Variants in VPS13B observed in about 807,000 individuals in gnomAD.
VPS13B encodes intermembrane lipid transfer protein VPS13B.
Under a neutral mutation model 426.4 loss-of-function variants are expected in VPS13B, and 285 were observed. That is an observed-to-expected ratio of 0.67 (90% CI 0.61 to 0.74). The LOEUF is 0.74. Among genes scored for constraint, VPS13B ranks in the 30% least tolerant of loss-of-function variants. VPS13B has a pLI of 0.00. For missense variants in VPS13B, 4,537 were observed against 4,782.6 expected (o/e 0.95, Z 1.51); for synonymous variants, 1,676 against 1,676.4 (o/e 1.00, Z 0.01).
At chr8:99,215,764 T>C (rs1466021575) in intron 17 of VPS13B, among the ~76,000 whole-genome samples, 1 of 152,172 alleles carries the variant, frequency 6.6e-6, no homozygotes, top group Non-Finnish European at 1.5e-5. Flanking sequence ...ACCAAAATCC[T>C]GGACTCCTAG....
chr8:99,064,713 A>G (rs1421334157), intron 3 of VPS13B, among the ~76,000 whole-genome samples: 1 of 152,230 alleles, frequency 6.6e-6, no homozygotes, highest in African/African-American at 2.4e-5. Flanking sequence ...AACTTCCCCA[A>G]CCTAGCAAGG....
chr8:99,784,150 A>G (rs1010397545), intron 42 of VPS13B, among the ~76,000 whole-genome samples, 165 bp from the exon 43 acceptor site: 4 of 152,188 alleles, frequency 2.6e-5, no homozygotes, highest in African/African-American at 9.6e-5. Context: ...GGTATTTTTT[A>G]TGTGTGTGCT....
intron 39 of VPS13B, among the ~76,000 whole-genome samples, chr8:99,762,957 G>T (rs546116281): frequency 5.9e-5 from 9 of 151,708 alleles, no homozygotes; most frequent in African/African-American, 2.2e-4. Context: ...GGGCAACAGA[G>T]GGAGACCGTG....
chr8:99,718,329 A>G (rs1445399335), intron 37 of VPS13B, among the ~76,000 whole-genome samples: 1 of 152,072 alleles, frequency 6.6e-6, no homozygotes, highest in East Asian at 1.9e-4. Flanking sequence ...AAAGTAGTCA[A>G]CCTGTTGCAA....
At chr8:99,632,808 T>A (rs1828901669) in intron 33 of VPS13B, among the ~76,000 whole-genome samples, 1 of 152,030 alleles carries the variant, frequency 6.6e-6, no homozygotes. Flanking sequence ...TTAAATATGA[T>A]CTATACAAAG....
At chr8:99,250,431 C>T (rs1817441663) in intron 17 of VPS13B, among the ~76,000 whole-genome samples, 1 of 152,058 alleles carries the variant, frequency 6.6e-6, no homozygotes, top group African/African-American at 2.4e-5. Context: ...AACTCTCTGC[C>T]TAACTCAGAT....
rs35767662 is a variant in VPS13B at position 99,511,050 on chromosome 8, TA to T, written c.4225-46del. On this transcript the variant is annotated intron_variant, in intron 28 of 61. Transcript: ENST00000357162. ...AGGTCATTTTCTTCTTTCCAATTTT[TA>T]AAAAAAATCTTTTTAATGAACTGTG... The T allele has an allele frequency of 3.8e-6, 6 of 1,597,288 alleles. No homozygotes were observed. In the Admixed American group the frequency reaches 5.0e-5, roughly 13 times the overall value.
intron 16 of VPS13B, among the ~76,000 whole-genome samples, chr8:99,181,655 T>C (rs1210063715): frequency 6.6e-6 from 1 of 152,224 alleles, no homozygotes; most frequent in Non-Finnish European, 1.5e-5. Context: ...TTATTACTAT[T>C]GCATATTTAC....
At position 99,664,987 on chromosome 8, in the gene VPS13B, T is replaced by C. The variant is rs369902225; in HGVS notation, c.6046+3496T>C. 7.9e-5 allele frequency among the ~76,000 whole-genome samples: 12 copies of C among 152,254 alleles called. No homozygotes were observed. The South Asian group carries it at 1.2e-3, about 16-fold the overall frequency. ...CATCCTCTCCAGCACCTGTTGTTTCTTGACTTTTTAATGATCACCATTCTA... is the reference window on the plus strand; with the variant it reads ...CATCCTCTCCAGCACCTGTTGTTTCCTGACTTTTTAATGATCACCATTCTA... On this transcript the variant is annotated intron_variant, in intron 35 of 61. Transcript: ENST00000357162.
At chr8:99,683,515 C>G (rs904609528) in intron 35 of VPS13B, among the ~76,000 whole-genome samples, 2 of 152,070 alleles carry the variant, frequency 1.3e-5, no homozygotes, top group Admixed American at 1.3e-4. Context: ...TTATGTTGGT[C>G]TTTTAAAATT....
At chr8:99,809,621 T>G in intron 44 of VPS13B, 91 bp downstream of exon 44, 3 of 1,490,246 alleles carry the variant, frequency 2.0e-6, no homozygotes, top group Non-Finnish European at 2.8e-6. Context: ...AAAATCACAG[T>G]GGTTATGCCT....
chr8:99,335,974 A>C (rs1810838223), intron 19 of VPS13B, among the ~76,000 whole-genome samples: 1 of 152,222 alleles, frequency 6.6e-6, no homozygotes, highest in South Asian at 2.1e-4. Context: ...CATCCCCATC[A>C]AGCTACCAAT....
chr8:99,636,442 T>C (rs1285089817), intron 33 of VPS13B, among the ~76,000 whole-genome samples: 1 of 152,038 alleles, frequency 6.6e-6, no homozygotes, highest in Non-Finnish European at 1.5e-5. Context: ...ATATTAATTA[T>C]CATTATCATG....
At position 99,868,223 on chromosome 8, in the gene VPS13B, G is replaced by C; in HGVS notation, c.11216-66G>C. 8 of 1,603,646 alleles carry C rather than the reference G, an allele frequency of 5.0e-6. No individual in the cohort carries two copies. In the South Asian group the frequency reaches 5.6e-5, roughly 11 times the overall value. On this transcript the variant is annotated intron_variant, in intron 58 of 61. Coordinates refer to ENST00000357162, the MANE Select transcript of VPS13B (RefSeq NM_152564.5). The stretch of plus-strand genomic sequence containing the variant: ...TCAATCCAGATAAAACTGTGTTCCA[G>C]ATGGAGCCTTTCATTTTCCGAGGAT...
At chr8:99,050,540 G>T (rs886402536) in intron 3 of VPS13B, among the ~76,000 whole-genome samples, 1 of 152,114 alleles carries the variant, frequency 6.6e-6, no homozygotes, top group African/African-American at 2.4e-5. Context: ...AATACTTTGG[G>T]CATATACCAA....
chr8:99,754,884 C>T (rs563413782), intron 39 of VPS13B, among the ~76,000 whole-genome samples: 1 of 152,218 alleles, frequency 6.6e-6, no homozygotes, highest in South Asian at 2.1e-4. Flanking sequence ...CCTCCCCCAA[C>T]CCCCATGCCC....
At chr8:99,230,366 G>A (rs910080912) in intron 17 of VPS13B, among the ~76,000 whole-genome samples, 1 of 152,166 alleles carries the variant, frequency 6.6e-6, no homozygotes, top group African/African-American at 2.4e-5. Flanking sequence ...ATATAGCAGG[G>A]ACCTGCACAG....
At chr8:99,602,421 T>A (rs1827350557) in intron 33 of VPS13B, among the ~76,000 whole-genome samples, 1 of 152,128 alleles carries the variant, frequency 6.6e-6, no homozygotes, top group Non-Finnish European at 1.5e-5. Context: ...CAGTTTGAAG[T>A]CAGGTAACGT....
rs377379862 is a variant in VPS13B, at chr8:99,784,459, T to G, written c.7924T>G (p.Ser2642Ala). 6.2e-7 allele frequency: 1 copy of G among 1,613,564 alleles called. No homozygotes were observed. The change falls in exon 43 of 62, where the codon TCT becomes GCT. Residue 2642 changes from serine to alanine, a missense_variant. Transcript: ENST00000357162. Reference sequence around the variant, plus strand: ...CCACAGTCACCAGTACAGCTGGCGCTCTCACAAATCCCCACAGGTATTTGA... The same window carrying G: ...CCACAGTCACCAGTACAGCTGGCGCGCTCACAAATCCCCACAGGTATTTGA... ...SLHSHQYSWRSHKSPQLLHIC... is the reference protein window; with the variant it reads ...SLHSHQYSWRAHKSPQLLHIC...
Sources: gnomAD v4.1 joint callset for allele counts (sites outside exome capture counted in the v4.1 genomes callset) on GRCh38, gnomAD v4.1.1 for gene constraint, MANE v1.5 for transcripts, NCBI Gene and HGNC (gene_info 2026-07-23, HGNC 2026-07-21) for gene names.